ANK1: variants seen among roughly 807,000 people sequenced by gnomAD.
ANK1 encodes ankyrin-1.
A neutral mutation model predicts 210.4 loss-of-function variants in ANK1; 51 were observed. The ratio of observed to expected loss-of-function variants is 0.24; its 90% confidence interval spans 0.19 to 0.31. ANK1 has a LOEUF of 0.31. Among genes scored for constraint, ANK1 ranks in the 10% least tolerant of loss-of-function variants. The probability of loss-of-function intolerance (pLI) is 1.00; values close to 1 mark genes in which losing one functional copy is unlikely to be tolerated. For missense variants in ANK1, 2,051 were observed against 2,504.4 expected, an observed-to-expected ratio of 0.82 and a Z score of 3.86; for synonymous variants, 967 against 1,025.9, an observed-to-expected ratio of 0.94 and a Z score of 1.10.
Position 41,690,606 on chromosome 8 carries a change from G to T in ANK1, c.3859-7C>A. The stretch of plus-strand genomic sequence containing the variant: ...GGGACATTCCTTCCAACACCTGCAG[G>T]AGAGGAAAAGCAGATACAGCTTGTC... On this transcript the variant is annotated splice_region_variant and splice_polypyrimidine_tract_variant and intron_variant, in intron 31 of 42. Transcript: ENST00000289734. The T allele has an allele frequency of 6.2e-7, 1 of 1,611,354 alleles. No homozygotes were observed. Among genetic ancestry groups the T allele is most frequent in the South Asian group, 1.1e-5 (1 of 91,060 alleles).
In ANK1 at chr8:41,672,451, C is replaced by T; in HGVS notation, c.4999G>A (p.Glu1667Lys). 5 of 1,614,246 alleles carry T rather than the reference C, an allele frequency of 3.1e-6. No individual in the cohort carries two copies. Among genetic ancestry groups the T allele is most frequent in the Non-Finnish European group, 4.2e-6 (5 of 1,180,038 alleles). The change falls in exon 38 of 43, where the codon GAG becomes AAG. Residue 1667 changes from glutamate to lysine, a missense_variant. By Grantham distance (56) the Glu-to-Lys change is moderately conservative. Coordinates refer to ENST00000289734, the MANE Select transcript of ANK1 (RefSeq NM_000037.4). ...CCTGAAACAAGAGACACTTCATTCT[C>T]TGAGTCCTGCCCTGCACCTGTCGCG... Reference protein sequence around the residue: ...DDATGAGQDSENEVSLVSGHQ... With the variant: ...DDATGAGQDSKNEVSLVSGHQ...
At chr8:41,701,184 C>T (rs977882509) in intron 22 of ANK1, among the ~76,000 whole-genome samples, 5 of 152,176 alleles carry the variant, frequency 3.3e-5, no homozygotes, top group Admixed American at 6.5e-5. Context: ...ACTTAGTATT[C>T]GTTCAAAGCA....
chr8:41,796,062 G>A (rs1229796284), intron 1 of ANK1, among the ~76,000 whole-genome samples: 1 of 152,122 alleles, frequency 6.6e-6, no homozygotes, highest in African/African-American at 2.4e-5. Context: ...TAACAGAGAA[G>A]AAACTAATTA....
At chr8:41,846,051 A>G (rs569675818) in intron 1 of ANK1, among the ~76,000 whole-genome samples, 2 of 152,330 alleles carry the variant, frequency 1.3e-5, no homozygotes, top group African/African-American at 4.8e-5. Context: ...AACAGGGCAC[A>G]ATGATGGACC....
intron 1 of ANK1, among the ~76,000 whole-genome samples, chr8:41,895,274 G>A (rs1012677979): frequency 6.6e-6 from 1 of 152,330 alleles, no homozygotes; most frequent in East Asian, 1.9e-4. Context: ...CTGGGGAGCC[G>A]TGCAGGCTGG....
intron 9 of ANK1, among the ~76,000 whole-genome samples, chr8:41,721,297 G>T (rs1043558656): frequency 6.6e-6 from 1 of 152,120 alleles, no homozygotes; most frequent in African/African-American, 2.4e-5. Flanking sequence ...GGAAACCAAA[G>T]ATTGTGCCCA....
intron 1 of ANK1, among the ~76,000 whole-genome samples, chr8:41,772,708 C>T (rs939250220): frequency 6.6e-6 from 1 of 152,228 alleles, no homozygotes; most frequent in Non-Finnish European, 1.5e-5. Context: ...CCCCACGCTC[C>T]CTGTCCGCAG....
intron 1 of ANK1, among the ~76,000 whole-genome samples, chr8:41,826,374 C>T (rs1056292045): frequency 6.6e-6 from 1 of 152,120 alleles, no homozygotes; most frequent in African/African-American, 2.4e-5. Flanking sequence ...GAGCTGGTCC[C>T]TTCCTCCTCA....
At chr8:41,715,312 T>C (rs1015432831) in intron 14 of ANK1, among the ~76,000 whole-genome samples, 47 of 152,306 alleles carry the variant, frequency 3.1e-4, no homozygotes, top group Admixed American at 1.2e-3. Flanking sequence ...TGGTAGTTGA[T>C]TGCTGGCTAG....
At chr8:41,668,162 A>G in intron 39 of ANK1, 105 bp downstream of exon 39, 1 of 1,476,780 alleles carries the variant, frequency 6.8e-7, no homozygotes, top group Non-Finnish European at 9.4e-7. Context: ...AAGGAAGGGG[A>G]TATGCTTAGC....
chr8:41,798,996 G>C (rs1199015921), upstream of ANK1, among the ~76,000 whole-genome samples: 1 of 152,050 alleles, frequency 6.6e-6, no homozygotes, highest in African/African-American at 2.4e-5. Flanking sequence ...TTCCACAGCA[G>C]CTGGAGCGCA....
chr8:41,865,590 T>C (rs1036994301), intron 1 of ANK1, among the ~76,000 whole-genome samples: 5 of 152,124 alleles, frequency 3.3e-5, no homozygotes, highest in African/African-American at 1.2e-4. Context: ...CACGTGTGAA[T>C]TGGAGCTGCT....
rs1828833753 is a variant in ANK1, at chr8:41,719,992, T to C, written c.910-134A>G. On this transcript the variant is annotated intron_variant, in intron 9 of 42. Coordinates refer to ENST00000289734, the MANE Select transcript of ANK1 (RefSeq NM_000037.4). ...CACAAGTCTCTGGAGGGAGCTTGGC[T>C]CACCCTGGCCTCCACGCTCCTGCCG... 6 of 1,071,902 alleles carry C rather than the reference T, an allele frequency of 5.6e-6. No homozygotes were observed. The Admixed American group carries it at 9.9e-5, about 18-fold the overall frequency. 66.4% of individuals were successfully genotyped at this position (1,071,902 alleles called of 1,614,324 possible). A position where few individuals can be genotyped will look rare whatever the true frequency, so the allele number is the denominator to read the frequency against.
rs1470326275 is a variant in ANK1 at position 41,708,950 on chromosome 8, G to A, written c.1826C>T (p.Ala609Val). The A allele has an allele frequency of 6.2e-7, 1 of 1,613,942 alleles. No individual in the cohort carries two copies. Among genetic ancestry groups the A allele is most frequent in the African/African-American group, 1.3e-5 (1 of 74,898 alleles). The change falls in exon 17 of 43, where the codon GCT becomes GTT. Residue 609 changes from alanine (A) to valine (V), a missense_variant. Ala to Val is a moderately conservative substitution (Grantham distance 64, BLOSUM62 0). Coordinates refer to ENST00000289734, the MANE Select transcript of ANK1 (RefSeq NM_000037.4). ...AWNGYTPLHI[A>V]AKQNQVEVAR... ...CACCTCCACCTGGTTCTGCTTGGCA[G>A]CGATGTGCAAAGGGGTGTAGCCATT... is the stretch of plus-strand genomic sequence containing the variant.
In ANK1 at chr8:41,724,187, G is replaced by C. The variant is rs117695873; in HGVS notation, c.711+269C>G. On this transcript the variant is annotated intron_variant, in intron 7 of 42. Coordinates refer to ENST00000289734, the MANE Select transcript of ANK1 (RefSeq NM_000037.4). ...CCAGAGTCAACATAACAGACTGCAG[G>C]AAAGTCAGTTATATGGAAATCACTC... 1.7e-3 allele frequency among the ~76,000 whole-genome samples: 255 copies of C among 152,148 alleles called. 3 individuals are homozygous for C. In the East Asian group the frequency reaches 0.022, roughly 13 times the overall value.
At chr8:41,866,181 CT>C (rs1242200321) in intron 1 of ANK1, among the ~76,000 whole-genome samples, 2 of 151,696 alleles carry the variant, frequency 1.3e-5, no homozygotes, top group African/African-American at 4.9e-5. Context: ...AATTTTCTTT[CT>C]TTTTTTGGAG....
At position 41,744,270 on chromosome 8, in the gene ANK1, A is replaced by G. The variant is rs186768570; in HGVS notation, c.130-10201T>C. 1.2e-4 allele frequency among the ~76,000 whole-genome samples: 19 copies of G among 152,340 alleles called. No homozygotes were observed. In the East Asian group the frequency reaches 3.7e-3, roughly 29 times the overall value. On this transcript the variant is annotated intron_variant, in intron 2 of 42. Coordinates refer to ENST00000289734, the MANE Select transcript of ANK1 (RefSeq NM_000037.4). ...AAAGAAAAAGCTTATCCTTTAGTAG[A>G]ACGCCAGCTAAAAAATGTAGAAGAC... is the stretch of plus-strand genomic sequence containing the variant.
At chr8:41,843,931 G>A (rs2150806816) in intron 1 of ANK1, among the ~76,000 whole-genome samples, 1 of 152,332 alleles carries the variant, frequency 6.6e-6, no homozygotes, top group African/African-American at 2.4e-5. Flanking sequence ...CTAAAGTGCA[G>A]TGGTGCAATC....
In ANK1 at chr8:41,786,154, C is replaced by T. The variant is rs117674566; in HGVS notation, c.27+11358G>A. Among the ~76,000 whole-genome samples the T allele has an allele frequency of 1.0e-3, 152 of 152,312 alleles. 2 individuals are homozygous for T. The East Asian group carries it at 0.027, about 27-fold the overall frequency. On this transcript the variant is annotated intron_variant, in intron 1 of 42. Transcript: ENST00000289734. The stretch of plus-strand genomic sequence containing the variant: ...GGCACAGCCCATCTCCCCTTCCAGG[C>T]TCTTAAATGCTTTTCAGAGCAGCCA...
Sources: gnomAD v4.1 joint callset for allele counts (sites outside exome capture counted in the v4.1 genomes callset) on GRCh38, gnomAD v4.1.1 for gene constraint, MANE v1.5 for transcripts, NCBI Gene and HGNC (gene_info 2026-07-23, HGNC 2026-07-21) for gene names.